PRELID2: variants seen among roughly 807,000 people sequenced by gnomAD.
PRELID2 encodes PRELI domain-containing protein 2.
PRELID2 carries 25 observed loss-of-function variants against 28.4 expected under a neutral mutation model. The ratio of observed to expected loss-of-function variants is 0.88; its 90% CI spans 0.64 to 1.23. The LOEUF is 1.23. Among genes scored for constraint, PRELID2 ranks in the 50% most tolerant of loss-of-function variants. The pLI is 0.00. For missense variants in PRELID2, 201 were observed against 214.4 expected, an observed-to-expected ratio of 0.94 and a Z score of 0.39; for synonymous variants, 76 against 71.6, an observed-to-expected ratio of 1.06 and a Z score of -0.31.
chr5:145,287,775 T>G, the PRELID2 span, among the ~76,000 whole-genome samples: 1 of 152,200 alleles, frequency 6.6e-6, no homozygotes, highest in African/African-American at 2.4e-5. Context: ...TTCCTCTAGT[T>G]GTACCTGATG....
chr5:145,468,282 T>A (rs1362569123), downstream of PRELID2, among the ~76,000 whole-genome samples: 2 of 152,266 alleles, frequency 1.3e-5, no homozygotes, highest in East Asian at 3.9e-4. Context: ...TTCCATGGTA[T>A]ATATGTGCCA....
the PRELID2 span, among the ~76,000 whole-genome samples, chr5:145,243,933 CTTGTTTGTTTGTTTAT>C: frequency 2.6e-5 from 4 of 151,838 alleles, no homozygotes; most frequent in African/African-American, 4.8e-5. Flanking sequence ...TTCCAAGTTT[CTTGTTTGTTTGTTTAT>C]TTGTTTGTTT....
chr5:145,392,595 A>AATTC, the PRELID2 span, among the ~76,000 whole-genome samples: 1 of 152,174 alleles, frequency 6.6e-6, no homozygotes, highest in Non-Finnish European at 1.5e-5. Context: ...ATGCACTCTG[A>AATTC]AAACAGTCAC....
intron 1 of PRELID2, among the ~76,000 whole-genome samples, chr5:145,733,065 C>T (rs1756389872): frequency 1.4e-5 from 2 of 147,264 alleles, no homozygotes; most frequent in Admixed American, 1.4e-4. Context: ...GGGCAACACA[C>T]TCAGACCCTG....
At chr5:145,231,037 C>T in the PRELID2 span, among the ~76,000 whole-genome samples, 1 of 152,278 alleles carries the variant, frequency 6.6e-6, no homozygotes, top group South Asian at 2.1e-4. Flanking sequence ...TCATCAGAAG[C>T]ACGTCACTAA....
intron 1 of PRELID2, among the ~76,000 whole-genome samples, chr5:145,580,416 T>A (rs1298049837): frequency 1.3e-5 from 2 of 152,074 alleles, no homozygotes; most frequent in Non-Finnish European, 2.9e-5. Flanking sequence ...CACTCTGACT[T>A]GATGAATATC....
chr5:145,454,933 T>C, the PRELID2 span, among the ~76,000 whole-genome samples: 3 of 152,226 alleles, frequency 2.0e-5, no homozygotes, highest in Non-Finnish European at 4.4e-5. Context: ...GTAGGTTGCC[T>C]GTTCACTCTA....
chr5:145,778,087 T>G lies in PRELID2; in HGVS notation c.475-13087A>C, dbSNP rs141612377. On this transcript the variant is annotated intron_variant, in intron 5 of 6. Transcript: ENST00000683046. The stretch of plus-strand genomic sequence containing the variant: ...GAGTGGGAATTTGTGTGCCTTTTCT[T>G]GGCCTGCCTATGGCCACCCAACTGG... Among the ~76,000 whole-genome samples the G allele has an allele frequency of 6.1e-4, 93 of 152,260 alleles. No homozygotes were observed. In the East Asian group the frequency reaches 0.016, roughly 26 times the overall value.
the PRELID2 span, among the ~76,000 whole-genome samples, chr5:145,325,693 C>T: frequency 1.3e-5 from 2 of 152,166 alleles, no homozygotes; most frequent in African/African-American, 2.4e-5. Context: ...CTTTGGTCTT[C>T]TAACCTTATT....
At chr5:145,704,811 C>T (rs948188985) in intron 1 of PRELID2, among the ~76,000 whole-genome samples, 8 of 152,130 alleles carry the variant, frequency 5.3e-5, no homozygotes, top group Admixed American at 3.3e-4. Context: ...GTGGTGGGAC[C>T]AGTAAAACAG....
chr5:145,740,434 C>G (rs1756637551), intron 1 of PRELID2, among the ~76,000 whole-genome samples: 1 of 140,120 alleles, frequency 7.1e-6, no homozygotes, highest in African/African-American at 2.6e-5. Flanking sequence ...ACAAAACGTT[C>G]TCTCAACAAT....
At chr5:145,254,618 T>C in the PRELID2 span, among the ~76,000 whole-genome samples, 1 of 152,054 alleles carries the variant, frequency 6.6e-6, no homozygotes, top group South Asian at 2.1e-4. Context: ...ACACTGAGCT[T>C]GAAGAAGTGA....
At chr5:145,672,635 C>A (rs754831773) in intron 1 of PRELID2, among the ~76,000 whole-genome samples, 9 of 152,050 alleles carry the variant, frequency 5.9e-5, no homozygotes, top group Non-Finnish European at 1.0e-4. Flanking sequence ...AAGGAGACAG[C>A]CTTGATTTCA....
chr5:145,704,182 G>A (rs1755481588), intron 1 of PRELID2: 1 of 152,210 alleles, frequency 6.6e-6, no homozygotes, highest in East Asian at 1.9e-4. Context: ...AGATTGGCAT[G>A]TGGATCATTT....
intron 1 of PRELID2, among the ~76,000 whole-genome samples, chr5:145,707,218 C>T (rs1237839669): frequency 5.9e-5 from 9 of 152,074 alleles, no homozygotes; most frequent in Admixed American, 5.2e-4. Flanking sequence ...AAATAATTTG[C>T]CCAGGACCCA....
chr5:145,333,507 A>C, the PRELID2 span, among the ~76,000 whole-genome samples: 1 of 152,176 alleles, frequency 6.6e-6, no homozygotes, highest in Non-Finnish European at 1.5e-5. Context: ...TGGCTACAGC[A>C]GTTTTGCCAA....
At chr5:145,425,785 C>A in the PRELID2 span, among the ~76,000 whole-genome samples, 1 of 151,910 alleles carries the variant, frequency 6.6e-6, no homozygotes, top group Admixed American at 6.6e-5. Context: ...ATGACGATGG[C>A]ACACATTTAA....
chr5:145,644,494 G>C (rs920115038), intron 1 of PRELID2, among the ~76,000 whole-genome samples: 1 of 151,746 alleles, frequency 6.6e-6, no homozygotes, highest in African/African-American at 2.4e-5. Context: ...TTTTGGAAGG[G>C]TTTTTCATGT....
chr5:145,256,977 G>A, the PRELID2 span, among the ~76,000 whole-genome samples: 1 of 151,742 alleles, frequency 6.6e-6, no homozygotes, highest in Non-Finnish European at 1.5e-5. Context: ...ACTACATGAA[G>A]TGTTTTTAAA....
Sources: gnomAD v4.1 joint callset for allele counts (sites outside exome capture counted in the v4.1 genomes callset) on GRCh38, gnomAD v4.1.1 for gene constraint, MANE v1.5 for transcripts, NCBI Gene and HGNC (gene_info 2026-07-23, HGNC 2026-07-21) for gene names.